The following TNN variants were observed in gnomAD, a reference collection of about 807,000 sequenced individuals.
TNN encodes tenascin N, also known as tenascin-N.
TNN carries 122 observed loss-of-function variants against 134.4 expected under a neutral mutation model. That is an observed-to-expected ratio of 0.91 (90% CI 0.78 to 1.06). TNN has a LOEUF of 1.06. Ranked by LOEUF, TNN falls within the 50% of genes least tolerant of loss-of-function variation. The pLI is 0.00. For missense variants in TNN, 1,739 were observed against 1,699.4 expected (o/e 1.02, Z -0.41); for synonymous variants, 710 against 670.3 (o/e 1.06, Z -0.91).
intron 1 of TNN, among the ~76,000 whole-genome samples, chr1:175,074,016 C>T (rs2149425086): frequency 6.6e-6 from 1 of 152,298 alleles, no homozygotes. Context: ...TTTCAGTCCT[C>T]TCACACTGCA....
chr1:175,081,111 G>A (rs1674190691), intron 4 of TNN, among the ~76,000 whole-genome samples: 1 of 152,198 alleles, frequency 6.6e-6, no homozygotes, highest in Admixed American at 6.5e-5. Flanking sequence ...GCTGAACCTG[G>A]AAGCCAAAGG....
At chr1:175,099,678 G>A (rs142810341) in intron 9 of TNN, among the ~76,000 whole-genome samples, 392 of 152,186 alleles carry the variant, frequency 2.6e-3, no homozygotes, top group Non-Finnish European at 4.2e-3. Context: ...GAAGTGAAGG[G>A]TCAAGAGAGA....
intron 6 of TNN, among the ~76,000 whole-genome samples, chr1:175,092,924 C>T (rs1012103076): frequency 6.6e-6 from 1 of 152,198 alleles, no homozygotes; most frequent in Non-Finnish European, 1.5e-5. Context: ...CAGTGGCCTG[C>T]ACCCCCACCA....
In TNN at chr1:175,143,244, A is replaced by C. The variant is rs1443417117; in HGVS notation, c.3596-1143A>C. Reference sequence around the variant, plus strand: ...CTGTGAGAGTGAGATGAGAATGCACATGCGAAGAAGATCGCTAAACTTAGA... The same window carrying C: ...CTGTGAGAGTGAGATGAGAATGCACCTGCGAAGAAGATCGCTAAACTTAGA... On this transcript the variant is annotated intron_variant, in intron 17 of 18. Coordinates refer to ENST00000239462, the MANE Select transcript of TNN (RefSeq NM_022093.2). Among the ~76,000 whole-genome samples the C allele has an allele frequency of 2.6e-5, 4 of 152,262 alleles. No individual in the cohort carries two copies. The East Asian group carries it at 7.7e-4, about 29-fold the overall frequency.
At chr1:175,084,280 G>T (rs1396852707) in intron 5 of TNN, among the ~76,000 whole-genome samples, 1 of 152,074 alleles carries the variant, frequency 6.6e-6, no homozygotes, top group Non-Finnish European at 1.5e-5. Flanking sequence ...TTAGTATTTG[G>T]GTGTTGGGGA....
chr1:175,135,812 G>C, intron 15 of TNN, 33 bp from the exon 16 acceptor site: 3 of 1,547,624 alleles, frequency 1.9e-6, no homozygotes, highest in Non-Finnish European at 1.8e-6. Flanking sequence ...TCTGTTTGGA[G>C]GGTCAGAGTG....
chr1:175,098,534 G>A lies in TNN; in HGVS notation c.2058G>A (p.Val686=). ...TGAGACCGGGTATGGAGTACATGGT[G>A]CACGTGTGGGCCCAGAAGGGGGACC... ...TGLRPGMEYM[V]HVWAQKGDQE... is the part of the protein sequence containing the mutation. The change falls in exon 9 of 19, where the codon GTG becomes GTA. Residue 686 remains valine, a synonymous_variant. Transcript: ENST00000239462. 1.2e-6 allele frequency: 2 copies of A among 1,614,150 alleles called. No individual in the cohort carries two copies. The highest frequency in any genetic ancestry group is 1.7e-6 in the Non-Finnish European group (2 of 1,180,026).
intron 15 of TNN, among the ~76,000 whole-genome samples, chr1:175,131,427 CTTTT>C (rs1675670494): frequency 6.6e-6 from 1 of 151,980 alleles, no homozygotes; most frequent in African/African-American, 2.4e-5. Flanking sequence ...AAAGAGGTTT[CTTTT>C]GTTTGTTTGT....
intron 9 of TNN, among the ~76,000 whole-genome samples, chr1:175,102,444 C>T (rs976003373): frequency 3.4e-5 from 5 of 145,980 alleles, no homozygotes; most frequent in South Asian, 2.3e-4. Flanking sequence ...GAGTCCTGCC[C>T]GGCGGGAAGG....
At chr1:175,104,566 G>A (rs1037198254) in intron 9 of TNN, among the ~76,000 whole-genome samples, 1 of 145,864 alleles carries the variant, frequency 6.9e-6, no homozygotes, top group African/African-American at 2.5e-5. Flanking sequence ...AACCACCAAG[G>A]TTTGTTTGTC....
At position 175,135,778 on chromosome 1, in the gene TNN, T is replaced by G. The variant is rs1675786958; in HGVS notation, c.3331-67T>G. 1.1e-5 allele frequency: 14 copies of G among 1,310,864 alleles called. No homozygotes were observed. In the Admixed American group the frequency reaches 2.4e-4, roughly 22 times the overall value. The allele number at this position is 1,310,864 out of a possible 1,614,324, so 81.2% of individuals were successfully genotyped here. A position where few individuals can be genotyped will look rare whatever the true frequency, so the allele number is the denominator to read the frequency against. On this transcript the variant is annotated intron_variant, in intron 15 of 18. Coordinates refer to ENST00000239462, the MANE Select transcript of TNN (RefSeq NM_022093.2). ...GCAGTGTATGAGCAAGCTCTTGGTCTTCTCTTGTCTCCCAGCACCTATGTC... is the reference window on the plus strand; with the variant it reads ...GCAGTGTATGAGCAAGCTCTTGGTCGTCTCTTGTCTCCCAGCACCTATGTC...
chr1:175,141,514 G>T lies in TNN; in HGVS notation c.3596-2873G>T, dbSNP rs184264460. ...AGAAAAAAAAAATTAATGGGTACCT[G>T]GATGAAAGGGAGAGCTAGAAATGGC... On this transcript the variant is annotated intron_variant, in intron 17 of 18. Coordinates refer to ENST00000239462, the MANE Select transcript of TNN (RefSeq NM_022093.2). Among the ~76,000 whole-genome samples, 31 of 152,288 alleles carry T rather than the reference G, an allele frequency of 2.0e-4. No individual in the cohort carries two copies. The East Asian group carries it at 6.0e-3, about 29-fold the overall frequency.
At chr1:175,084,481 G>A (rs1388896979) in intron 5 of TNN, among the ~76,000 whole-genome samples, 1 of 152,188 alleles carries the variant, frequency 6.6e-6, no homozygotes, top group African/African-American at 2.4e-5. Flanking sequence ...CAAGGCTGCA[G>A]GGATGGATCA....
chr1:175,072,558 G>C lies in TNN; in HGVS notation c.-36+4623G>C, dbSNP rs139872064. 2.8e-3 allele frequency among the ~76,000 whole-genome samples: 431 copies of C among 152,308 alleles called. 4 individuals are homozygous for C. The highest frequency in any genetic ancestry group is 9.7e-3 in the African/African-American group (405 of 41,552). On this transcript the variant is annotated intron_variant, in intron 1 of 18. Coordinates refer to ENST00000239462, the MANE Select transcript of TNN (RefSeq NM_022093.2). ...CAGCCTGTGGTTTGCTGTGCATACTGAAAGAGTCGATGAAGTCATCCTTCC... is the reference window on the plus strand; with the variant it reads ...CAGCCTGTGGTTTGCTGTGCATACTCAAAGAGTCGATGAAGTCATCCTTCC...
chr1:175,137,037 G>T, intron 17 of TNN, 49 bp downstream of exon 17: 1 of 1,591,142 alleles, frequency 6.3e-7, no homozygotes. Flanking sequence ...TGTCTGTTGT[G>T]TAAGGATTGG....
Position 175,097,416 on chromosome 1 carries a change from G to T in TNN, c.1589-1G>T, listed in dbSNP as rs267598180. 1.9e-6 allele frequency: 3 copies of T among 1,614,052 alleles called. No individual in the cohort carries two copies. Among genetic ancestry groups the T allele is most frequent in the Non-Finnish European group, 2.5e-6 (3 of 1,180,024 alleles). The stretch of plus-strand genomic sequence containing the variant: ...ATTCTTCTTTCATCTCTCTCTTAAA[G>T]AAATTGACAGCCCAGCAAACCTGGT... On this transcript the variant is annotated splice_acceptor_variant, in intron 7 of 18. Transcript: ENST00000239462. LOFTEE classifies it high-confidence loss of function.
intron 9 of TNN, among the ~76,000 whole-genome samples, chr1:175,102,618 C>A (rs1194321519): frequency 1.4e-5 from 2 of 146,062 alleles, no homozygotes; most frequent in Admixed American, 6.8e-5. Flanking sequence ...CAAGCCCATG[C>A]CCACCTAGAA....
At chr1:175,144,908 C>T (rs1410245858) in intron 18 of TNN, among the ~76,000 whole-genome samples, 2 of 152,174 alleles carry the variant, frequency 1.3e-5, no homozygotes, top group African/African-American at 4.8e-5. Flanking sequence ...CCAGGTGGCT[C>T]AAACAACAGA....
chr1:175,118,498 C>T, intron 10 of TNN, 63 bp from the exon 11 acceptor site: 1 of 1,588,224 alleles, frequency 6.3e-7, no homozygotes, highest in Admixed American at 1.8e-5. Context: ...CGCAAAATGA[C>T]CACCAGTTTC....
Sources: gnomAD v4.1 joint callset for allele counts (sites outside exome capture counted in the v4.1 genomes callset) on GRCh38, gnomAD v4.1.1 for gene constraint, MANE v1.5 for transcripts, NCBI Gene and HGNC (gene_info 2026-07-23, HGNC 2026-07-21) for gene names.